The following PCDH15 variants were observed in gnomAD, a reference collection of about 807,000 sequenced individuals.
PCDH15 encodes protocadherin-15.
Under a neutral mutation model 178.5 loss-of-function variants are expected in PCDH15, and 129 were observed. That is an observed-to-expected ratio of 0.72 (90% CI 0.63 to 0.84). The LOEUF (loss-of-function observed/expected upper bound fraction) is 0.84. PCDH15 is among the 40% of genes least tolerant of loss of function. PCDH15 has a pLI of 0.00. For synonymous variants in PCDH15, 800 were observed against 732.0 expected (o/e 1.09, Z -1.50); for missense variants, 2,230 against 2,099.9 (o/e 1.06, Z -1.21).
chr10:54,433,491 T>C (rs1309522948), intron 3 of PCDH15, among the ~76,000 whole-genome samples: 1 of 152,116 alleles, frequency 6.6e-6, no homozygotes, highest in African/African-American at 2.4e-5. Flanking sequence ...TTCTCACTTA[T>C]TTGTGGGATC....
rs1837755425 is a variant in PCDH15, at chr10:55,121,094, C to T, written c.-80+45482G>A. Among the ~76,000 whole-genome samples, 4 of 152,162 alleles carry T rather than the reference C, an allele frequency of 2.6e-5. No homozygotes were observed. The South Asian group carries it at 8.3e-4, about 31-fold the overall frequency. On this transcript the variant is annotated intron_variant, in intron 2 of 5. Coordinates refer to the PCDH15 transcript ENST00000458638. Reference sequence around the variant, plus strand: ...ACTCAACTCCAACCCATGAGAGCTGCTGTGTAGGCTGCACCGAACTCATGG... The same window carrying T: ...ACTCAACTCCAACCCATGAGAGCTGTTGTGTAGGCTGCACCGAACTCATGG...
rs765073745 is a variant in PCDH15, at chr10:53,983,990, C to T, written c.2868+11659G>A. Among the ~76,000 whole-genome samples, 7 of 152,116 alleles carry T rather than the reference C, an allele frequency of 4.6e-5. No individual in the cohort carries two copies. The South Asian group carries it at 6.2e-4, about 14-fold the overall frequency. ...ACTTCAGGGCCTGATTCTTTTGTTA[C>T]GTGACTTTATCTTGGCATAACCTTC... On this transcript the variant is annotated intron_variant, in intron 21 of 37. Coordinates refer to ENST00000644397, the MANE Select transcript of PCDH15 (RefSeq NM_001384140.1).
intron 18 of PCDH15, among the ~76,000 whole-genome samples, chr10:54,046,591 TG>T (rs2093659922): frequency 6.8e-6 from 1 of 146,926 alleles, no homozygotes; most frequent in African/African-American, 2.5e-5. Flanking sequence ...TGTTTATAAA[TG>T]CTTACTTAGA....
intron 2 of PCDH15, among the ~76,000 whole-genome samples, chr10:55,128,976 T>G (rs1239656297): frequency 6.6e-6 from 1 of 152,108 alleles, no homozygotes; most frequent in African/African-American, 2.4e-5. Flanking sequence ...AGCCATGATC[T>G]GTACATCAAT....
chr10:54,631,966 G>T (rs1211884835), intron 2 of PCDH15, among the ~76,000 whole-genome samples: 1 of 152,008 alleles, frequency 6.6e-6, no homozygotes, highest in Non-Finnish European at 1.5e-5. Flanking sequence ...GGATTAAAAG[G>T]ATTACAATTC....
intron 2 of PCDH15, among the ~76,000 whole-genome samples, chr10:55,033,987 G>C (rs1334629057): frequency 6.6e-6 from 1 of 151,878 alleles, no homozygotes; most frequent in South Asian, 2.1e-4. Flanking sequence ...TGAGGGTACA[G>C]CATTCCTCCT....
chr10:54,029,018 A>C (rs909782111), intron 18 of PCDH15, among the ~76,000 whole-genome samples: 5 of 152,192 alleles, frequency 3.3e-5, no homozygotes, highest in African/African-American at 1.2e-4. Flanking sequence ...CATCTAATGG[A>C]AACAAAGGGA....
intron 2 of PCDH15, among the ~76,000 whole-genome samples, chr10:54,951,943 T>C (rs1029247758): frequency 6.6e-6 from 1 of 151,862 alleles, no homozygotes; most frequent in Admixed American, 6.6e-5. Flanking sequence ...TGGAATCCAA[T>C]ACCTCTATCA....
intron 3 of PCDH15, among the ~76,000 whole-genome samples, chr10:54,517,895 A>G (rs1284762516): frequency 7.9e-5 from 12 of 152,160 alleles, no homozygotes; most frequent in Non-Finnish European, 1.3e-4. Context: ...CTAGAACTCA[A>G]GATTAAGAAA....
At chr10:53,937,689 A>G (rs2085699048) in intron 25 of PCDH15, among the ~76,000 whole-genome samples, 1 of 152,156 alleles carries the variant, frequency 6.6e-6, no homozygotes, top group South Asian at 2.1e-4. Context: ...TTCACGATAA[A>G]TGAAAAGGAG....
At chr10:55,385,217 C>G (rs907500735) in intron 2 of PCDH15, among the ~76,000 whole-genome samples, 2 of 152,010 alleles carry the variant, frequency 1.3e-5, no homozygotes, top group African/African-American at 4.8e-5. Context: ...TTCCGGGATG[C>G]CAAAATTGTC....
Position 54,471,663 on chromosome 10 carries a change from A to G in PCDH15, c.157+56149T>C, listed in dbSNP as rs11004325. Among the ~76,000 whole-genome samples, 899 of 150,762 alleles carry G rather than the reference A, an allele frequency of 6.0e-3. 15 individuals are homozygous for G. Among genetic ancestry groups the G allele is most frequent in the African/African-American group, 0.021 (870 of 41,236 alleles). On this transcript the variant is annotated intron_variant, in intron 3 of 37. Transcript: ENST00000644397. ...ATTTATATTTTTTGATTTTTTTTTT[A>G]CTATAGAATATAGTTTCCTGCATAT...
chr10:54,156,735 C>G (rs1438471379), intron 13 of PCDH15, among the ~76,000 whole-genome samples: 3 of 152,112 alleles, frequency 2.0e-5, no homozygotes, highest in African/African-American at 7.2e-5. Flanking sequence ...ACTCAAAAGT[C>G]CACAGTCAAA....
intron 13 of PCDH15, among the ~76,000 whole-genome samples, chr10:54,181,470 G>A (rs1453126389): frequency 6.6e-6 from 1 of 151,934 alleles, no homozygotes; most frequent in Non-Finnish European, 1.5e-5. Flanking sequence ...TGAGGTTTGG[G>A]GTATGATTGA....
chr10:54,185,312 G>A (rs1377824442), intron 11 of PCDH15, 44 bp from the exon 12 acceptor site: 2 of 1,605,778 alleles, frequency 1.2e-6, no homozygotes, highest in East Asian at 2.2e-5. Context: ...AATAAATAAT[G>A]TAGCTATTAG....
At chr10:54,580,591 A>C (rs537358486) in intron 2 of PCDH15, among the ~76,000 whole-genome samples, 1 of 152,208 alleles carries the variant, frequency 6.6e-6, no homozygotes, top group Non-Finnish European at 1.5e-5. Context: ...TCTGTAACTC[A>C]TTCTATGAAG....
At chr10:54,646,749 C>T (rs1412202557) in intron 2 of PCDH15, among the ~76,000 whole-genome samples, 1 of 151,908 alleles carries the variant, frequency 6.6e-6, no homozygotes, top group African/African-American at 2.4e-5. Flanking sequence ...ATGCACTAAT[C>T]ATCAGAGGAA....
At chr10:54,237,008 T>C (rs896383277) in intron 8 of PCDH15, 77 bp from the exon 9 acceptor site, 7 of 1,205,198 alleles carry the variant, frequency 5.8e-6, no homozygotes, top group Non-Finnish European at 8.7e-6. Flanking sequence ...ATGCTTTAGT[T>C]TGGAAATCTA....
chr10:53,978,211 T>A (rs2090347191), intron 21 of PCDH15, among the ~76,000 whole-genome samples: 1 of 152,194 alleles, frequency 6.6e-6, no homozygotes, highest in Admixed American at 6.5e-5. Context: ...AGGTTCTCCA[T>A]GAGAATTCTG....
Sources: allele counts gnomAD v4.1 joint callset (sites outside exome capture counted in the v4.1 genomes callset), GRCh38; gene constraint gnomAD v4.1.1; transcripts MANE v1.5; gene names NCBI Gene and HGNC (gene_info 2026-07-23, HGNC 2026-07-21).